Variants in AIMP1 observed in about 807,000 individuals in gnomAD.
The protein encoded by AIMP1 is aminoacyl tRNA synthetase complex interacting multifunctional protein 1.
A neutral mutation model predicts 33.1 loss-of-function variants in AIMP1; 24 were observed. The ratio of observed to expected loss-of-function variants is 0.73; its 90% CI spans 0.53 to 1.02. The LOEUF is 1.02. Ranked by LOEUF, AIMP1 falls within the 50% of genes least tolerant of loss-of-function variation. The pLI, the probability that AIMP1 is intolerant of heterozygous loss-of-function variation, is 0.00. For synonymous variants in AIMP1, 120 were observed against 121.5 expected, an observed-to-expected ratio of 0.99 and a Z score of 0.08; for missense variants, 367 against 364.8, an observed-to-expected ratio of 1.01 and a Z score of -0.05.
chr4:106,342,843 G>T (rs11097929), intron 6 of AIMP1, among the ~76,000 whole-genome samples: 20,557 of 151,798 alleles, frequency 0.14, 1,641 homozygotes, highest in South Asian at 0.24. Flanking sequence ...AGTCTCAGTA[G>T]GATTGGTACC....
rs111894488 is a variant in AIMP1 at position 106,345,046 on chromosome 4, A to G, written c.773-2480A>G. ...TTAAACAAGTTAATATATGTACAGC[A>G]CTCAGTACAATGACCAGCACCTAGT... On this transcript the variant is annotated intron_variant, in intron 6 of 6. Coordinates refer to ENST00000672341, the MANE Select transcript of AIMP1 (RefSeq NM_001142416.2). 3.7e-3 allele frequency among the ~76,000 whole-genome samples: 565 copies of G among 152,286 alleles called. 3 individuals carry two copies. The highest frequency in any genetic ancestry group is 0.013 in the African/African-American group (538 of 41,568).
intron 1 of AIMP1, among the ~76,000 whole-genome samples, chr4:106,322,297 T>TA (rs11432155): frequency 0.13 from 19,523 of 145,598 alleles, 1,535 homozygotes; most frequent in South Asian, 0.26. Context: ...TAAAAAAAAT[T>TA]AAAAAAAAAA....
intron 6 of AIMP1, among the ~76,000 whole-genome samples, chr4:106,342,946 C>G (rs566241134): frequency 6.6e-6 from 1 of 150,650 alleles, no homozygotes; most frequent in Admixed American, 6.6e-5. Flanking sequence ...GTTCTGTAAC[C>G]CAGGTTGGAG....
At chr4:106,346,403 A>AGG (rs1360184712) in intron 6 of AIMP1, among the ~76,000 whole-genome samples, 1 of 152,156 alleles carries the variant, frequency 6.6e-6, no homozygotes, top group Non-Finnish European at 1.5e-5. Flanking sequence ...CTAGCAGAAC[A>AGG]GGGGCTTTGT....
Position 106,347,598 on chromosome 4 carries a change from A to T in AIMP1, c.845A>T (p.Asp282Val), listed in dbSNP as rs774493787. 1.2e-6 allele frequency: 2 copies of T among 1,613,404 alleles called. No individual in the cohort carries two copies. Among genetic ancestry groups the T allele is most frequent in the South Asian group, 1.1e-5 (1 of 91,082 alleles). Residue 282 changes from aspartate to valine, a missense_variant, in exon 7 of 7, where the codon GAT becomes GTT. Asp to Val is a radical substitution (Grantham distance 152). Transcript: ENST00000672341. Reference protein sequence around the residue: ...EQIQPDLHTNDECVATYKGVP... With the variant: ...EQIQPDLHTNVECVATYKGVP... The stretch of plus-strand genomic sequence containing the variant: ...ATCCAGCCTGATCTTCACACTAATG[A>T]TGAGTGTGTGGCTACATACAAAGGA...
At chr4:106,323,130 A>T (rs1038058826) in intron 1 of AIMP1, among the ~76,000 whole-genome samples, 1 of 152,078 alleles carries the variant, frequency 6.6e-6, no homozygotes, top group Non-Finnish European at 1.5e-5. Flanking sequence ...CTTGTTCTTC[A>T]ATATGTATTA....
At chr4:106,329,997 G>A (rs891113360) in intron 4 of AIMP1, among the ~76,000 whole-genome samples, 9 of 151,834 alleles carry the variant, frequency 5.9e-5, no homozygotes, top group African/African-American at 2.2e-4. Flanking sequence ...TGGTCAGGCT[G>A]GTCTCGAACT....
chr4:106,338,962 T>C (rs1193486580), intron 6 of AIMP1, among the ~76,000 whole-genome samples: 1 of 152,180 alleles, frequency 6.6e-6, no homozygotes, highest in Non-Finnish European at 1.5e-5. Context: ...TTTGGAACTT[T>C]GAGGTTTGAT....
chr4:106,329,772 C>CCTTTTTTT (rs1554000880), intron 4 of AIMP1, among the ~76,000 whole-genome samples: 5 of 53,084 alleles, frequency 9.4e-5, no homozygotes, highest in Non-Finnish European at 7.5e-5. Context: ...TGCTACATAT[C>CCTTTTTTT]TTTTTTTTTT....
chr4:106,346,016 CTTAA>C (rs1170254310), intron 6 of AIMP1, among the ~76,000 whole-genome samples: 1 of 151,394 alleles, frequency 6.6e-6, no homozygotes. Flanking sequence ...TCTATCATTA[CTTAA>C]TTATACTTCA....
chr4:106,337,088 T>C, intron 6 of AIMP1, 51 bp downstream of exon 6: 1 of 1,518,248 alleles, frequency 6.6e-7, no homozygotes, highest in Non-Finnish European at 9.1e-7. Flanking sequence ...GTTCTCAAAG[T>C]GATGTTTGTA....
chr4:106,340,759 A>G (rs1770066265), intron 6 of AIMP1, among the ~76,000 whole-genome samples: 1 of 152,068 alleles, frequency 6.6e-6, no homozygotes, highest in South Asian at 2.1e-4. Flanking sequence ...TTACAAGTGT[A>G]TTTGTCTTTT....
chr4:106,342,955 A>G (rs191239828), intron 6 of AIMP1, among the ~76,000 whole-genome samples: 1 of 136,830 alleles, frequency 7.3e-6, no homozygotes, highest in East Asian at 2.2e-4. Context: ...CCCAGGTTGG[A>G]GTGCAGTGGC....
Position 106,347,528 on chromosome 4 carries a change from G to C in AIMP1, c.775G>C (p.Glu259Gln), listed in dbSNP as rs778019726. The C allele has an allele frequency of 1.2e-6, 2 of 1,612,486 alleles. No individual in the cohort carries two copies. The highest frequency in any genetic ancestry group is 1.7e-5 in the Admixed American group (1 of 59,836). The change falls in exon 7 of 7, where the codon GAG (glutamate) becomes CAG (glutamine). Residue 259 changes from glutamate (E) to glutamine (Q), a missense_variant and splice_region_variant. By Grantham distance (29) the Glu-to-Gln change is conservative. Coordinates refer to ENST00000672341, the MANE Select transcript of AIMP1 (RefSeq NM_001142416.2). Reference sequence around the variant, plus strand: ...TGTGCTTTTTTTCTCCTACACAGGAGAGCCTGACAAGGAGCTGAATCCTAA... The same window carrying C: ...TGTGCTTTTTTTCTCCTACACAGGACAGCCTGACAAGGAGCTGAATCCTAA... ...DRITFDAFPG[E>Q]PDKELNPKKK... is the part of the protein sequence containing the mutation.
intron 1 of AIMP1, among the ~76,000 whole-genome samples, chr4:106,317,952 T>C (rs575607569): frequency 6.6e-6 from 1 of 152,324 alleles, no homozygotes; most frequent in South Asian, 2.1e-4. Flanking sequence ...GGCATACTCC[T>C]TTTTAAATTT....
chr4:106,326,643 T>C (rs1769461666), intron 2 of AIMP1, among the ~76,000 whole-genome samples: 2 of 152,194 alleles, frequency 1.3e-5, no homozygotes, highest in African/African-American at 4.8e-5. Context: ...TAAAAGGTAA[T>C]GACTAAAAAG....
At chr4:106,335,790 T>A (rs1218011864) in intron 5 of AIMP1, among the ~76,000 whole-genome samples, 1 of 151,910 alleles carries the variant, frequency 6.6e-6, no homozygotes, top group Non-Finnish European at 1.5e-5. Flanking sequence ...TATAAAACCA[T>A]CTTTTATCTA....
At chr4:106,322,106 T>C (rs1427829557) in intron 1 of AIMP1, among the ~76,000 whole-genome samples, 2 of 152,108 alleles carry the variant, frequency 1.3e-5, no homozygotes, top group Non-Finnish European at 2.9e-5. Flanking sequence ...TTAAGAGTTA[T>C]CACCACTCCC....
At chr4:106,327,611 G>A in intron 3 of AIMP1, 47 bp downstream of exon 3, 1 of 1,393,278 alleles carries the variant, frequency 7.2e-7, no homozygotes, top group East Asian at 2.3e-5. Context: ...TAAGAAGTTG[G>A]CCAGTCACAC....
Sources: gnomAD v4.1 joint callset for allele counts (sites outside exome capture counted in the v4.1 genomes callset) on GRCh38, gnomAD v4.1.1 for gene constraint, MANE v1.5 for transcripts, NCBI Gene and HGNC (gene_info 2026-07-23, HGNC 2026-07-21) for gene names.